Variants in HEATR5A observed in about 807,000 individuals in gnomAD.
HEATR5A encodes the protein HEAT repeat containing 5A.
HEATR5A carries 178 observed loss-of-function variants against 218.8 expected under a neutral mutation model. The ratio of observed to expected loss-of-function variants is 0.81; its 90% CI spans 0.72 to 0.92. The LOEUF is 0.92. HEATR5A is among the 40% of genes least tolerant of loss of function. HEATR5A has a pLI of 0.00. For missense variants in HEATR5A, 2,420 were observed against 2,418.9 expected, an observed-to-expected ratio of 1.00 and a Z score of -0.01; for synonymous variants, 864 against 871.6, an observed-to-expected ratio of 0.99 and a Z score of 0.15.
intron 33 of HEATR5A, 42 bp from the exon 34 acceptor site, chr14:31,296,105 C>T: frequency 1.3e-6 from 2 of 1,529,862 alleles, no homozygotes; most frequent in South Asian, 1.1e-5. Context: ...ATATTTACTG[C>T]TTTATATACC....
At chr14:31,304,541 T>C (rs1207487533) in intron 32 of HEATR5A, among the ~76,000 whole-genome samples, 4 of 151,964 alleles carry the variant, frequency 2.6e-5, no homozygotes, top group African/African-American at 4.8e-5. Flanking sequence ...CCTTAGCCTC[T>C]TGAGTAGCTG....
chr14:31,408,716 A>T (rs1410268905), intron 1 of HEATR5A, among the ~76,000 whole-genome samples: 1 of 151,754 alleles, frequency 6.6e-6, no homozygotes, highest in African/African-American at 2.4e-5. Flanking sequence ...TATTAAGCCT[A>T]GTGACTTTAT....
chr14:31,361,979 TTTAG>T (rs1367720285), intron 14 of HEATR5A, among the ~76,000 whole-genome samples: 25 of 150,414 alleles, frequency 1.7e-4, no homozygotes, highest in Non-Finnish European at 2.4e-4. Context: ...TATTTATTTA[TTTAG>T]AGATGGAATC....
At chr14:31,355,442 CCA>C (rs1167668796) in intron 16 of HEATR5A, among the ~76,000 whole-genome samples, 1 of 151,582 alleles carries the variant, frequency 6.6e-6, no homozygotes, top group Non-Finnish European at 1.5e-5. Context: ...AATAAAGTAA[CCA>C]CACACAGGCT....
chr14:31,331,555 C>T (rs1382701128), intron 22 of HEATR5A, among the ~76,000 whole-genome samples: 1 of 152,186 alleles, frequency 6.6e-6, no homozygotes, highest in Admixed American at 6.5e-5. Context: ...TTACCCAATT[C>T]TAAAGCTGCT....
rs950070876 is a variant in HEATR5A at position 31,402,763 on chromosome 14, GT to G, written c.126+86del. 1.8e-5 allele frequency: 23 copies of G among 1,254,244 alleles called. 1 individual carries two copies. The Admixed American group carries it at 5.4e-4, about 29-fold the overall frequency. 77.7% of individuals were successfully genotyped at this position (1,254,244 alleles called of 1,614,324 possible). On this transcript the variant is annotated intron_variant, in intron 2 of 35. Coordinates refer to ENST00000543095, the MANE Select transcript of HEATR5A (RefSeq NM_015473.4). ...GTCTAACATTGTAAAGCTAAATTAG[GT>G]TATTCTGGAAAAAACTAGAAAAGCA...
intron 18 of HEATR5A, among the ~76,000 whole-genome samples, chr14:31,349,092 T>C (rs1901118704): frequency 6.6e-6 from 1 of 152,042 alleles, no homozygotes; most frequent in Non-Finnish European, 1.5e-5. Context: ...ATACAACTGA[T>C]AGAAATGAAA....
chr14:31,322,244 C>T (rs913862309), intron 24 of HEATR5A, among the ~76,000 whole-genome samples: 4 of 152,100 alleles, frequency 2.6e-5, no homozygotes, highest in Non-Finnish European at 5.9e-5. Flanking sequence ...TAACATATCT[C>T]CTGTGGAGAG....
At chr14:31,335,607 A>C (rs923401452) in intron 22 of HEATR5A, among the ~76,000 whole-genome samples, 1 of 152,228 alleles carries the variant, frequency 6.6e-6, no homozygotes, top group Admixed American at 6.5e-5. Context: ...CGTGAAGTCT[A>C]TAACTTTCTA....
At chr14:31,297,910 CA>C (rs1899243606) in intron 33 of HEATR5A, among the ~76,000 whole-genome samples, 1 of 152,160 alleles carries the variant, frequency 6.6e-6, no homozygotes, top group Non-Finnish European at 1.5e-5. Context: ...TCCCTTACAG[CA>C]AAGTTATTTT....
intron 32 of HEATR5A, 70 bp downstream of exon 32, chr14:31,304,835 C>CT (rs1177768268): frequency 2.0e-6 from 3 of 1,490,040 alleles, no homozygotes; most frequent in Non-Finnish European, 2.7e-6. Context: ...AGATTAGCAA[C>CT]TAGACTCCAT....
intron 14 of HEATR5A, among the ~76,000 whole-genome samples, chr14:31,361,945 T>A (rs867884116): frequency 2.3e-5 from 3 of 130,160 alleles, no homozygotes; most frequent in South Asian, 2.3e-4. Flanking sequence ...ATCAGAAATT[T>A]ATTTATTTAT....
intron 29 of HEATR5A, 103 bp from the exon 30 acceptor site, chr14:31,308,123 A>C: frequency 9.7e-7 from 1 of 1,025,948 alleles, no homozygotes; most frequent in Non-Finnish European, 1.4e-6. Flanking sequence ...ACAAACAGTA[A>C]AAAGGTAATA....
At chr14:31,386,323 A>C in intron 9 of HEATR5A, 97 bp downstream of exon 9, 1 of 832,590 alleles carries the variant, frequency 1.2e-6, no homozygotes, top group Non-Finnish European at 1.8e-6. Flanking sequence ...TCATAAATCT[A>C]TAATGGAATC....
intron 18 of HEATR5A, among the ~76,000 whole-genome samples, chr14:31,349,213 C>T (rs987067738): frequency 6.6e-6 from 1 of 152,026 alleles, no homozygotes; most frequent in Non-Finnish European, 1.5e-5. Context: ...CATGGAGAAA[C>T]CCCGTCTCTA....
At chr14:31,418,160 G>T (rs1398698861) in intron 1 of HEATR5A, among the ~76,000 whole-genome samples, 1 of 152,148 alleles carries the variant, frequency 6.6e-6, no homozygotes, top group Non-Finnish European at 1.5e-5. Context: ...AGTGAGCCAA[G>T]ATCGCGCCAC....
chr14:31,346,437 C>T (rs968567628), intron 19 of HEATR5A, among the ~76,000 whole-genome samples: 8 of 152,118 alleles, frequency 5.3e-5, no homozygotes, highest in Middle Eastern at 3.4e-3. Flanking sequence ...AGGGGGAAAG[C>T]TAACTGGATT....
intron 29 of HEATR5A, 82 bp downstream of exon 29, chr14:31,308,852 G>A: frequency 1.6e-6 from 2 of 1,246,018 alleles, no homozygotes; most frequent in Non-Finnish European, 2.2e-6. Context: ...TCCAGCCTGG[G>A]TGAAAGAGCA....
At chr14:31,309,320 AGGC>A in intron 28 of HEATR5A, 138 bp from the exon 29 acceptor site, 1 of 815,624 alleles carries the variant, frequency 1.2e-6, no homozygotes, top group Non-Finnish European at 1.9e-6. Context: ...CTATACCCTA[AGGC>A]AACTACTTTC....
Sources: gnomAD v4.1 joint callset for allele counts (sites outside exome capture counted in the v4.1 genomes callset) on GRCh38, gnomAD v4.1.1 for gene constraint, MANE v1.5 for transcripts, NCBI Gene and HGNC (gene_info 2026-07-23, HGNC 2026-07-21) for gene names.